ACOXL: variants seen among roughly 807,000 people sequenced by gnomAD.
The protein encoded by ACOXL is acyl-CoA oxidase like, also known as acyl-coenzyme A oxidase-like protein.
A neutral mutation model predicts 71.9 loss-of-function variants in ACOXL; 70 were observed. The ratio of observed to expected loss-of-function variants is 0.97; its 90% CI spans 0.80 to 1.19. The LOEUF (loss-of-function observed/expected upper bound fraction) is 1.19, where lower values mean the gene tolerates loss of function less well. Among genes scored for constraint, ACOXL ranks in the 50% most tolerant of loss-of-function variants. The pLI, the probability that ACOXL is intolerant of heterozygous loss-of-function variation, is 0.00. For missense variants in ACOXL, 703 were observed against 736.3 expected, an observed-to-expected ratio of 0.95 and a Z score of 0.52; for synonymous variants, 253 against 281.6, an observed-to-expected ratio of 0.90 and a Z score of 1.02.
intron 5 of ACOXL, among the ~76,000 whole-genome samples, chr2:110,797,215 G>A (rs960141879): frequency 2.6e-5 from 4 of 152,186 alleles, no homozygotes; most frequent in East Asian, 1.9e-4. Context: ...GTTTTGAGCC[G>A]AGCCTGAGAA....
At chr2:110,898,789 T>C (rs570299078) in intron 10 of ACOXL, among the ~76,000 whole-genome samples, 1 of 151,940 alleles carries the variant, frequency 6.6e-6, no homozygotes, top group East Asian at 1.9e-4. Flanking sequence ...GGAAAAGGAG[T>C]AATAAAACTG....
intron 10 of ACOXL, among the ~76,000 whole-genome samples, chr2:110,881,450 C>CAT (rs760129818): frequency 8.4e-4 from 126 of 150,462 alleles, no homozygotes; most frequent in African/African-American, 2.4e-3. Flanking sequence ...TCTTTGTAAT[C>CAT]ATATATATAT....
intron 12 of ACOXL, among the ~76,000 whole-genome samples, chr2:110,944,658 G>T (rs1253928906): frequency 1.3e-5 from 2 of 152,142 alleles, no homozygotes; most frequent in African/African-American, 4.8e-5. Flanking sequence ...CATCCTTGTT[G>T]CTGCAAAGGA....
At chr2:110,902,766 G>A (rs2059291256) in intron 10 of ACOXL, among the ~76,000 whole-genome samples, 1 of 152,192 alleles carries the variant, frequency 6.6e-6, no homozygotes. Context: ...TGTATGTCTA[G>A]GAGTGCCCCA....
At chr2:110,788,335 C>G (rs1684242428) in intron 3 of ACOXL, among the ~76,000 whole-genome samples, 1 of 152,162 alleles carries the variant, frequency 6.6e-6, no homozygotes, top group Admixed American at 6.5e-5. Context: ...TGACACATGC[C>G]ACCATGTGGA....
At chr2:110,975,616 G>A (rs1331973075) in intron 12 of ACOXL, among the ~76,000 whole-genome samples, 1 of 151,954 alleles carries the variant, frequency 6.6e-6, no homozygotes, top group Non-Finnish European at 1.5e-5. Flanking sequence ...AAAATCAACA[G>A]CGTGAAAAAG....
chr2:111,058,676 T>C (rs1200873820), intron 16 of ACOXL, among the ~76,000 whole-genome samples: 3 of 152,120 alleles, frequency 2.0e-5, no homozygotes, highest in East Asian at 3.8e-4. Flanking sequence ...CAAAGCACCA[T>C]AGATAAAAAC....
intron 12 of ACOXL, among the ~76,000 whole-genome samples, chr2:110,976,494 A>T (rs2149506860): frequency 6.6e-6 from 1 of 152,374 alleles, no homozygotes; most frequent in Non-Finnish European, 1.5e-5. Flanking sequence ...ATATAAAGAC[A>T]GATATTCAAA....
At chr2:111,035,156 G>A (rs1976057) in intron 15 of ACOXL, among the ~76,000 whole-genome samples, 15,359 of 151,974 alleles carry the variant, frequency 0.1, 971 homozygotes, top group African/African-American at 0.17. Context: ...GTGAGCCACC[G>A]TCCCCGGCCT....
chr2:110,816,478 CT>C (rs1687933950), intron 9 of ACOXL, among the ~76,000 whole-genome samples: 1 of 152,128 alleles, frequency 6.6e-6, no homozygotes, highest in Non-Finnish European at 1.5e-5. Flanking sequence ...ATATGGAGAT[CT>C]TTTGGACTTG....
intron 8 of ACOXL, 111 bp from the exon 9 acceptor site, chr2:110,805,152 G>A (rs528641764): frequency 8.5e-6 from 12 of 1,415,594 alleles, no homozygotes; most frequent in South Asian, 7.9e-5. Flanking sequence ...GAAGTTCCAC[G>A]ATGGGGAAAT....
rs34915436 is a variant in ACOXL, at chr2:110,883,107, G to GTTTTTTT, written c.789-25666_789-25660dup. 2.7e-4 allele frequency among the ~76,000 whole-genome samples: 30 copies of GTTTTTTT among 109,266 alleles called. 2 individuals are homozygous for GTTTTTTT. Among genetic ancestry groups the GTTTTTTT allele is most frequent in the Non-Finnish European group, 3.4e-4 (19 of 55,374 alleles). 71.7% of individuals were successfully genotyped at this position (109,266 alleles called of 152,430 possible). A position where few individuals can be genotyped will look rare whatever the true frequency, so the allele number is the denominator to read the frequency against. On this transcript the variant is annotated intron_variant, in intron 10 of 17. Coordinates refer to ENST00000439055, the MANE Select transcript of ACOXL (RefSeq NM_001142807.4). ...GCATTCCATGCCCTTTTTGTCACTG[G>GTTTTTTT]TTTTTTTTTTTTTTTTTTTTTTGAG...
At chr2:110,898,009 C>T (rs1488751583) in intron 10 of ACOXL, among the ~76,000 whole-genome samples, 2 of 151,994 alleles carry the variant, frequency 1.3e-5, no homozygotes, top group African/African-American at 2.4e-5. Context: ...AGAATAAATT[C>T]GTTAAAAAAC....
intron 9 of ACOXL, among the ~76,000 whole-genome samples, chr2:110,839,689 AC>A (rs1230013580): frequency 6.6e-6 from 1 of 152,132 alleles, no homozygotes; most frequent in Non-Finnish European, 1.5e-5. Context: ...AGCTATTCAA[AC>A]AGTATCTGGG....
rs1697366670 is a variant in ACOXL, at chr2:110,886,909, C to T, written c.789-21880C>T. 2.0e-6 allele frequency: 3 copies of T among 1,525,840 alleles called. No homozygotes were observed. In the African/African-American group the frequency reaches 4.3e-5, roughly 22 times the overall value. 94.5% of individuals were successfully genotyped at this position (1,525,840 alleles called of 1,614,324 possible). ...TTCTTACGCTTGCTCGTGAAATCAG[C>T]CACTTAACTGTTCTGGGTTTTCCCG... On this transcript the variant is annotated intron_variant, in intron 10 of 17. Transcript: ENST00000439055.
intron 9 of ACOXL, among the ~76,000 whole-genome samples, chr2:110,813,935 G>T (rs1247884966): frequency 2.6e-5 from 4 of 152,152 alleles, no homozygotes; most frequent in Non-Finnish European, 2.9e-5. Flanking sequence ...GTAACAGTTT[G>T]CCCAGAGCTT....
chr2:110,926,282 G>A (rs948328984), intron 11 of ACOXL, among the ~76,000 whole-genome samples: 2 of 152,198 alleles, frequency 1.3e-5, no homozygotes, highest in African/African-American at 2.4e-5. Flanking sequence ...CAAGGTTGCC[G>A]CAAGGCCTCA....
At chr2:110,811,730 TACACACACACACACACACACACACACAC>T (rs780039810) in intron 9 of ACOXL, among the ~76,000 whole-genome samples, 3 of 101,614 alleles carry the variant, frequency 3.0e-5, no homozygotes, top group African/African-American at 1.1e-4. Context: ...TTTTTTTGCA[TACACACACACACACACACACACACACAC>T]ACACACACAC....
chr2:110,801,697 G>C lies in ACOXL; in HGVS notation c.593G>C (p.Arg198Pro), dbSNP rs759410697. 5 of 1,614,030 alleles carry C rather than the reference G, an allele frequency of 3.1e-6. No individual in the cohort carries two copies. In the South Asian group the frequency reaches 4.4e-5, roughly 14 times the overall value. ...DNGILIFDKV[R>P]IPRENLLDKF... ...GGGATATTAATATTTGACAAGGTTC[G>C]GATACCCAGGGAGAACCTGCTGGAT... Residue 198 changes from arginine (R) to proline (P), a missense_variant, in exon 8 of 18, where the codon CGG (arginine) becomes CCG (proline). Transcript: ENST00000439055.
Sources: allele counts gnomAD v4.1 joint callset (sites outside exome capture counted in the v4.1 genomes callset), GRCh38; gene constraint gnomAD v4.1.1; transcripts MANE v1.5; gene names NCBI Gene and HGNC (gene_info 2026-07-23, HGNC 2026-07-21).